The following TENM3 variants were observed in gnomAD, a reference collection of about 807,000 sequenced individuals.
TENM3 encodes the protein teneurin-3.
In TENM3, 63 loss-of-function variants were observed where a neutral mutation model predicts 255.1. The ratio of observed to expected loss-of-function variants is 0.25; its 90% CI spans 0.20 to 0.30. The LOEUF is 0.30. Among genes scored for constraint, TENM3 ranks in the 10% least tolerant of loss-of-function variants. TENM3 has a pLI of 1.00. For synonymous variants in TENM3, 1,306 were observed against 1,322.3 expected, an observed-to-expected ratio of 0.99 and a Z score of 0.27; for missense variants, 2,929 against 3,461.1, an observed-to-expected ratio of 0.85 and a Z score of 3.86.
At chr4:181,981,269 G>A in the TENM3 span, among the ~76,000 whole-genome samples, 5 of 152,054 alleles carry the variant, frequency 3.3e-5, no homozygotes, top group South Asian at 4.1e-4. Context: ...GTTAACTAAC[G>A]AATTTTTGCA....
chr4:181,918,424 C>T, the TENM3 span, among the ~76,000 whole-genome samples: 33 of 152,190 alleles, frequency 2.2e-4, no homozygotes, highest in East Asian at 6.0e-3. Flanking sequence ...AATAAATTAA[C>T]TTCTTCATTA....
chr4:181,656,889 T>G, the TENM3 span, among the ~76,000 whole-genome samples: 2 of 152,132 alleles, frequency 1.3e-5, no homozygotes, highest in Non-Finnish European at 2.9e-5. Context: ...GCCAGGTAGG[T>G]TTCTAAGCTC....
chr4:182,727,636 G>T, intron 13 of TENM3, among the ~76,000 whole-genome samples: 1 of 152,124 alleles, frequency 6.6e-6, no homozygotes, highest in Middle Eastern at 3.4e-3. Context: ...CCTGGAGAAA[G>T]CACTGGCAAA....
At chr4:181,868,083 A>C in the TENM3 span, among the ~76,000 whole-genome samples, 1 of 152,272 alleles carries the variant, frequency 6.6e-6, no homozygotes, top group East Asian at 1.9e-4. Flanking sequence ...TTTTACGGGA[A>C]ATTTTTTGGA....
chr4:181,674,280 G>A, the TENM3 span, among the ~76,000 whole-genome samples: 1 of 152,156 alleles, frequency 6.6e-6, no homozygotes, highest in Non-Finnish European at 1.5e-5. Flanking sequence ...TTGCAGGCGT[G>A]AGCCACTGCA....
intron 23 of TENM3, among the ~76,000 whole-genome samples, chr4:182,774,576 C>G (rs547182441): frequency 6.6e-6 from 1 of 152,144 alleles, no homozygotes; most frequent in African/African-American, 2.4e-5. Flanking sequence ...GTGTACACCG[C>G]GCTCCTGAGA....
the TENM3 span, among the ~76,000 whole-genome samples, chr4:182,088,606 G>A: frequency 3.3e-5 from 5 of 151,992 alleles, no homozygotes; most frequent in Non-Finnish European, 2.9e-5. Context: ...AGGCCGAGGC[G>A]GGCGGATCAC....
At chr4:182,745,647 G>C (rs897105055) in intron 19 of TENM3, among the ~76,000 whole-genome samples, 3 of 152,152 alleles carry the variant, frequency 2.0e-5, no homozygotes, top group African/African-American at 7.2e-5. Context: ...GAAATGGGTA[G>C]CAGACAGTTA....
At chr4:182,652,318 G>A (rs559460478) in intron 5 of TENM3, among the ~76,000 whole-genome samples, 2 of 152,298 alleles carry the variant, frequency 1.3e-5, no homozygotes, top group South Asian at 4.1e-4. Context: ...GAGAAGCATT[G>A]CAGACAGAAG....
At chr4:182,746,258 G>A (rs1204072727) in intron 19 of TENM3, among the ~76,000 whole-genome samples, 1 of 152,172 alleles carries the variant, frequency 6.6e-6, no homozygotes, top group Non-Finnish European at 1.5e-5. Context: ...TTCTGTAAAG[G>A]AAGAGATTAC....
chr4:181,582,561 C>T, the TENM3 span, among the ~76,000 whole-genome samples: 15,267 of 151,310 alleles, frequency 0.1, 1,400 homozygotes, highest in African/African-American at 0.24. Flanking sequence ...GCAGGAGAAT[C>T]GCTTGAAGCT....
intron 2 of TENM3, among the ~76,000 whole-genome samples, chr4:182,334,685 A>G (rs1763989205): frequency 6.6e-6 from 1 of 152,176 alleles, no homozygotes; most frequent in Non-Finnish European, 1.5e-5. Context: ...AAACAAAAAA[A>G]AGGTTTTTCT....
At chr4:182,471,369 G>A (rs193283852) in intron 3 of TENM3, among the ~76,000 whole-genome samples, 4 of 152,190 alleles carry the variant, frequency 2.6e-5, no homozygotes, top group Non-Finnish European at 5.9e-5. Context: ...GTAGTGCTAC[G>A]ATCACTGAGT....
At chr4:181,905,956 C>T in the TENM3 span, 8 of 566,444 alleles carry the variant, frequency 1.4e-5, no homozygotes, top group Non-Finnish European at 2.3e-5. Flanking sequence ...ACAGCAGCTT[C>T]TTCAGATCTG....
In TENM3 at chr4:182,682,053, A is replaced by C. The variant is rs748762044; in HGVS notation, c.2035+39A>C. On this transcript the variant is annotated intron_variant, in intron 11 of 27. Coordinates refer to ENST00000511685, the MANE Select transcript of TENM3 (RefSeq NM_001080477.4). ...ATGCAGTACAATCGAGTTGCTTAAT[A>C]CTGTTTGGCTAAAGATGATATTTTA... 5 of 1,535,118 alleles carry C rather than the reference A, an allele frequency of 3.3e-6. 1 individual carries two copies. In the South Asian group the frequency reaches 5.6e-5, roughly 17 times the overall value.
the TENM3 span, among the ~76,000 whole-genome samples, chr4:181,553,879 CT>C: frequency 0.012 from 1,772 of 152,136 alleles, 33 homozygotes; most frequent in African/African-American, 0.04. Flanking sequence ...TTTAAGTGGG[CT>C]CTTAGCGCTG....
the TENM3 span, among the ~76,000 whole-genome samples, chr4:181,628,849 G>GT: frequency 9.9e-5 from 15 of 151,764 alleles, no homozygotes; most frequent in Admixed American, 2.6e-4. Context: ...ACTTTAAAGT[G>GT]TTTTTTTTCC....
the TENM3 span, among the ~76,000 whole-genome samples, chr4:181,836,796 A>T: frequency 6.6e-6 from 1 of 152,194 alleles, no homozygotes; most frequent in Admixed American, 6.5e-5. Flanking sequence ...TATAAAATTT[A>T]ATAAACGTTC....
At chr4:181,715,727 G>T in the TENM3 span, among the ~76,000 whole-genome samples, 335 of 152,252 alleles carry the variant, frequency 2.2e-3, 1 homozygote, top group Non-Finnish European at 3.9e-3. Flanking sequence ...TCAATCATTG[G>T]GACAACAAAA....
Sources: gnomAD v4.1 joint callset for allele counts (sites outside exome capture counted in the v4.1 genomes callset) on GRCh38, gnomAD v4.1.1 for gene constraint, MANE v1.5 for transcripts, NCBI Gene and HGNC (gene_info 2026-07-23, HGNC 2026-07-21) for gene names.